The following BBS9 variants were observed in gnomAD, a reference collection of about 807,000 sequenced individuals.
BBS9 encodes protein PTHB1.
In BBS9, 89 loss-of-function variants were observed where a neutral mutation model predicts 117.7. The observed-to-expected ratio is 0.76, with a 90% CI of 0.64 to 0.90. The LOEUF (loss-of-function observed/expected upper bound fraction) is 0.90, where lower values mean the gene tolerates loss of function less well. BBS9 is among the 40% of genes least tolerant of loss of function. BBS9 has a pLI of 0.00. For synonymous variants in BBS9, 379 were observed against 370.9 expected (o/e 1.02, Z -0.25); for missense variants, 982 against 1,042.2 (o/e 0.94, Z 0.80).
At chr7:33,435,595 T>C (rs1835183689) in intron 19 of BBS9, among the ~76,000 whole-genome samples, 1 of 152,156 alleles carries the variant, frequency 6.6e-6, no homozygotes, top group African/African-American at 2.4e-5. Flanking sequence ...CCTTGCAATA[T>C]AGATGCATCA....
intron 20 of BBS9, among the ~76,000 whole-genome samples, chr7:33,511,769 A>T (rs1222991666): frequency 6.6e-6 from 1 of 152,222 alleles, no homozygotes; most frequent in East Asian, 1.9e-4. Context: ...GTGAGAAAAC[A>T]GATGTTTATA....
At chr7:33,362,614 TA>T (rs1820830416) in intron 16 of BBS9, among the ~76,000 whole-genome samples, 2 of 152,212 alleles carry the variant, frequency 1.3e-5, no homozygotes, top group Non-Finnish European at 2.9e-5. Context: ...GTTCCATTGA[TA>T]TTTTTGTCTA....
At chr7:33,202,728 G>T (rs1024423026) in intron 5 of BBS9, among the ~76,000 whole-genome samples, 2 of 152,102 alleles carry the variant, frequency 1.3e-5, no homozygotes, top group Non-Finnish European at 2.9e-5. Context: ...GGGGAGGTCT[G>T]CCCCCATGAT....
intron 21 of BBS9, among the ~76,000 whole-genome samples, chr7:33,584,747 C>T (rs1484798529): frequency 2.0e-5 from 3 of 152,082 alleles, no homozygotes; most frequent in African/African-American, 7.2e-5. Context: ...TGAGATTGCT[C>T]TCAAATTTTT....
At chr7:33,168,750 T>G (rs1309389528) in intron 4 of BBS9, among the ~76,000 whole-genome samples, 1 of 152,216 alleles carries the variant, frequency 6.6e-6, no homozygotes, top group East Asian at 1.9e-4. Context: ...AGATAATATT[T>G]TTAACACATA....
At chr7:33,474,618 C>T (rs193265181) in intron 19 of BBS9, among the ~76,000 whole-genome samples, 5 of 152,262 alleles carry the variant, frequency 3.3e-5, no homozygotes, top group Non-Finnish European at 7.4e-5. Flanking sequence ...AGGAGTACAT[C>T]TCTTTCTGTC....
intron 5 of BBS9, among the ~76,000 whole-genome samples, chr7:33,251,461 A>G (rs1796212846): frequency 1.3e-5 from 2 of 152,192 alleles, no homozygotes; most frequent in Admixed American, 6.5e-5. Flanking sequence ...ATGGCTGAGC[A>G]TGAGGAGAGG....
At chr7:33,383,400 C>T (rs933917993) in intron 17 of BBS9, among the ~76,000 whole-genome samples, 8 of 152,110 alleles carry the variant, frequency 5.3e-5, no homozygotes, top group Non-Finnish European at 8.8e-5. Context: ...GTACTGAAGC[C>T]TATTATAAGA....
At chr7:33,406,879 G>A (rs370908978) in intron 19 of BBS9, among the ~76,000 whole-genome samples, 237 of 152,064 alleles carry the variant, frequency 1.6e-3, no homozygotes, top group East Asian at 7.9e-3. Flanking sequence ...TTTTTCCTTC[G>A]TTTCAACTTT....
chr7:33,594,051 T>C (rs1210378005), intron 21 of BBS9, among the ~76,000 whole-genome samples: 2 of 152,152 alleles, frequency 1.3e-5, no homozygotes, highest in African/African-American at 4.8e-5. Context: ...ATCTTAATAC[T>C]AGGAGCACCC....
intron 9 of BBS9, among the ~76,000 whole-genome samples, chr7:33,280,911 G>GTGTGTTTTTTTTTTTTT (rs1801729095): frequency 1.3e-5 from 1 of 79,392 alleles, no homozygotes; most frequent in African/African-American, 6.0e-5. Context: ...TGTCGTTTTT[G>GTGTGTTTTTTTTTTTTT]TTTTTTTTTT....
chr7:33,428,152 A>G, intron 19 of BBS9, among the ~76,000 whole-genome samples: 1 of 152,136 alleles, frequency 6.6e-6, no homozygotes, highest in East Asian at 1.9e-4. Flanking sequence ...CACCAGAACA[A>G]CAGGTATAGT....
At chr7:33,507,342 G>A (rs1846287737) in intron 20 of BBS9, among the ~76,000 whole-genome samples, 1 of 152,132 alleles carries the variant, frequency 6.6e-6, no homozygotes, top group Non-Finnish European at 1.5e-5. Context: ...CTGGGTTCAA[G>A]CGAATCTCCT....
intron 19 of BBS9, among the ~76,000 whole-genome samples, chr7:33,478,696 G>A (rs1461286260): frequency 1.3e-5 from 2 of 151,952 alleles, no homozygotes; most frequent in African/African-American, 4.8e-5. Context: ...GGTGGTGCCA[G>A]GTTTTTTGTT....
intron 1 of BBS9, among the ~76,000 whole-genome samples, chr7:33,142,587 A>C (rs1173513592): frequency 6.6e-6 from 1 of 152,208 alleles, no homozygotes; most frequent in Non-Finnish European, 1.5e-5. Context: ...ATACCTATTA[A>C]CAGTTCTCCT....
intron 2 of BBS9, among the ~76,000 whole-genome samples, chr7:33,152,218 C>G (rs904821696): frequency 6.6e-6 from 1 of 152,158 alleles, no homozygotes; most frequent in African/African-American, 2.4e-5. Context: ...CACAATTTAA[C>G]TTACAACACC....
intron 21 of BBS9, among the ~76,000 whole-genome samples, chr7:33,543,309 G>GTT (rs57654727): frequency 1.7e-4 from 25 of 148,114 alleles, no homozygotes; most frequent in South Asian, 4.3e-4. Flanking sequence ...TGATGGGATT[G>GTT]TTTTTTTTTT....
intron 19 of BBS9, among the ~76,000 whole-genome samples, chr7:33,503,504 C>T (rs540599866): frequency 5.4e-5 from 8 of 148,470 alleles, no homozygotes; most frequent in Non-Finnish European, 1.0e-4. Flanking sequence ...CCTATAGAGT[C>T]TTCCTTATGT....
At chr7:33,334,147 G>A (rs1814772497) in intron 9 of BBS9, among the ~76,000 whole-genome samples, 1 of 152,088 alleles carries the variant, frequency 6.6e-6, no homozygotes, top group Admixed American at 6.6e-5. Flanking sequence ...AACTTAATAG[G>A]TTCAGATAAT....
Sources: gnomAD v4.1 joint callset for allele counts (sites outside exome capture counted in the v4.1 genomes callset) on GRCh38, gnomAD v4.1.1 for gene constraint, MANE v1.5 for transcripts, NCBI Gene and HGNC (gene_info 2026-07-23, HGNC 2026-07-21) for gene names.